The following CASK variants were observed in gnomAD, a reference collection of about 807,000 sequenced individuals.
CASK encodes the protein peripheral plasma membrane protein CASK.
Under a neutral mutation model 82.9 loss-of-function variants are expected in CASK, and 4 were observed. The observed-to-expected ratio is 0.05, with a 90% CI of 0.02 to 0.11. CASK has a LOEUF of 0.11. Among genes scored for constraint, CASK ranks in the 10% least tolerant of loss-of-function variants. The pLI, the probability that CASK is intolerant of heterozygous loss-of-function variation, is 1.00. For missense variants in CASK, 358 were observed against 720.9 expected, an observed-to-expected ratio of 0.50 and a Z score of 5.76; for synonymous variants, 259 against 253.5, an observed-to-expected ratio of 1.02 and a Z score of -0.20.
intron 3 of CASK, among the ~76,000 whole-genome samples, chrX:41,755,033 C>T (rs1475972279): frequency 9.1e-6 from 1 of 109,608 alleles, no homozygotes; most frequent in African/African-American, 3.3e-5. Context: ...AGTGCACCAC[C>T]ACACCCAGCT....
In CASK at chrX:41,644,641, G is replaced by C. The variant is rs375249268; in HGVS notation, c.832-7980C>G. On this transcript the variant is annotated intron_variant, in intron 8 of 26. Coordinates refer to ENST00000378163, the MANE Select transcript of CASK (RefSeq NM_001367721.1). ...AACCTTAAACTCTGACTGCTGGTGAGCCAGGCAGAACAGAGCCATATTTCT... is the reference window on the plus strand; with the variant it reads ...AACCTTAAACTCTGACTGCTGGTGACCCAGGCAGAACAGAGCCATATTTCT... 8.9e-5 allele frequency among the ~76,000 whole-genome samples: 10 copies of C among 112,368 alleles called. No individual in the cohort carries two copies. The East Asian group carries it at 2.5e-3, about 28-fold the overall frequency.
At chrX:41,780,734 T>C (rs1300630741) in intron 3 of CASK, among the ~76,000 whole-genome samples, 1 of 111,478 alleles carries the variant, frequency 9.0e-6, no homozygotes, top group Non-Finnish European at 1.9e-5. Flanking sequence ...CTGCAACCTC[T>C]GCTTTCTGGG....
chrX:41,600,892 C>T, intron 12 of CASK, among the ~76,000 whole-genome samples: 1 of 112,078 alleles, frequency 8.9e-6, no homozygotes, highest in East Asian at 2.8e-4. Context: ...GTACTATACA[C>T]ACACGATGGA....
chrX:41,665,215 A>G, intron 7 of CASK, 62 bp downstream of exon 7: 1 of 1,038,463 alleles, frequency 9.6e-7, no homozygotes, highest in South Asian at 2.0e-5. Context: ...AGTAACTTCA[A>G]AAAAACATTT....
At chrX:41,746,958 A>AG in intron 3 of CASK, among the ~76,000 whole-genome samples, 1 of 111,764 alleles carries the variant, frequency 8.9e-6, no homozygotes, top group East Asian at 2.8e-4. Flanking sequence ...TGGGTGTGCA[A>AG]GGAACAAATG....
intron 9 of CASK, among the ~76,000 whole-genome samples, chrX:41,633,174 T>C (rs2066503428): frequency 9.0e-6 from 1 of 111,279 alleles, no homozygotes. Context: ...CGACTCACCA[T>C]TTCTTAAATG....
At chrX:41,539,719 C>G (rs2064922558) in intron 22 of CASK, among the ~76,000 whole-genome samples, 1 of 112,371 alleles carries the variant, frequency 8.9e-6, no homozygotes, top group African/African-American at 3.2e-5. Flanking sequence ...TGATTAAATA[C>G]TTGACCCTAT....
chrX:41,821,227 C>T (rs766074294), intron 2 of CASK, among the ~76,000 whole-genome samples: 20 of 112,052 alleles, frequency 1.8e-4, no homozygotes, highest in Non-Finnish European at 3.8e-4. Context: ...ACTCCTACAA[C>T]TTAATACAAA....
chrX:41,917,136 C>A, intron 1 of CASK, among the ~76,000 whole-genome samples: 1 of 112,253 alleles, frequency 8.9e-6, no homozygotes, highest in Non-Finnish European at 1.9e-5. Flanking sequence ...GAAAATCCAA[C>A]ACAGTATTTT....
chrX:41,812,759 A>G (rs1319192506), intron 2 of CASK, among the ~76,000 whole-genome samples: 1 of 111,595 alleles, frequency 9.0e-6, no homozygotes, highest in Non-Finnish European at 1.9e-5. Flanking sequence ...GGCAGGAGAA[A>G]GAAATAAAGG....
chrX:41,612,996 C>T (rs1260338270), intron 11 of CASK, among the ~76,000 whole-genome samples: 8 of 101,280 alleles, frequency 7.9e-5, no homozygotes, highest in African/African-American at 1.1e-4. Context: ...CCGCCCCGTC[C>T]GGGAGGGAGG....
chrX:41,791,842 A>T (rs910831734), intron 2 of CASK, among the ~76,000 whole-genome samples: 3 of 111,526 alleles, frequency 2.7e-5, no homozygotes, highest in Non-Finnish European at 5.6e-5. Context: ...TTCTCAGGAA[A>T]TTTTAAAAAT....
chrX:41,627,190 T>C (rs975629116), intron 9 of CASK, among the ~76,000 whole-genome samples: 1 of 112,103 alleles, frequency 8.9e-6, no homozygotes, highest in Non-Finnish European at 1.9e-5. Flanking sequence ...AAATCTTTTT[T>C]CCCTCTTTTT....
chrX:41,877,209 T>C (rs1441334865), intron 1 of CASK, among the ~76,000 whole-genome samples: 1 of 111,701 alleles, frequency 9.0e-6, no homozygotes, highest in African/African-American at 3.3e-5. Context: ...GACAATCAAC[T>C]TCCCTGATTG....
rs766400654 is a variant in CASK at position 41,650,448 on chromosome X, G to T, written c.831+9991C>A. Among the ~76,000 whole-genome samples, 119 of 99,550 alleles carry T rather than the reference G, an allele frequency of 1.2e-3. 1 individual carries two copies. The highest frequency in any genetic ancestry group is 5.3e-3 in the Middle Eastern group (1 of 190). 86.4% of individuals were successfully genotyped at this position (99,550 alleles called of 115,157 possible). ...CATGGCATCATGCCTGGTTTTTGTG[G>T]TTTTTTTTTGTTTTTTTTTGTTTTT... On this transcript the variant is annotated intron_variant, in intron 8 of 26. Transcript: ENST00000378163.
intron 2 of CASK, among the ~76,000 whole-genome samples, chrX:41,793,071 T>C (rs1406461187): frequency 8.9e-6 from 1 of 112,344 alleles, no homozygotes; most frequent in Non-Finnish European, 1.9e-5. Context: ...GGAAATCCTA[T>C]AGCTTCTTTT....
At chrX:41,768,772 A>G (rs925621732) in intron 3 of CASK, among the ~76,000 whole-genome samples, 36 of 111,855 alleles carry the variant, frequency 3.2e-4, no homozygotes, top group African/African-American at 1.1e-3. Flanking sequence ...GTTCAGAACC[A>G]GCCTAGGCAA....
intron 1 of CASK, among the ~76,000 whole-genome samples, chrX:41,861,264 G>A (rs2071471059): frequency 9.0e-6 from 1 of 111,431 alleles, no homozygotes; most frequent in African/African-American, 3.3e-5. Context: ...GTGTGTGCGT[G>A]TGCATGCGTG....
At position 41,778,000 on chromosome X, in the gene CASK, C is replaced by T. The variant is rs138956651; in HGVS notation, c.278+9178G>A. Among the ~76,000 whole-genome samples the T allele has an allele frequency of 3.5e-3, 384 of 111,286 alleles. 2 individuals carry two copies. The highest frequency in any genetic ancestry group is 0.012 in the African/African-American group (366 of 30,726). ...ACTATAGGGAATTTATTAAACATGG[C>T]ACATGCACACATTTAGATGTCTTAA... On this transcript the variant is annotated intron_variant, in intron 3 of 26. Transcript: ENST00000378163.
Sources: allele counts gnomAD v4.1 joint callset (sites outside exome capture counted in the v4.1 genomes callset), GRCh38; gene constraint gnomAD v4.1.1; transcripts MANE v1.5; gene names NCBI Gene and HGNC (gene_info 2026-07-23, HGNC 2026-07-21).